SLC35F3: variants seen among roughly 807,000 people sequenced by gnomAD.
SLC35F3 encodes solute carrier family 35 member F3.
In SLC35F3, 25 loss-of-function variants were observed where a neutral mutation model predicts 49.9. The observed-to-expected ratio is 0.50, with a 90% CI of 0.37 to 0.70. The LOEUF (loss-of-function observed/expected upper bound fraction) is 0.70, where lower values mean the gene tolerates loss of function less well. Among genes scored for constraint, SLC35F3 ranks in the 30% least tolerant of loss-of-function variants. SLC35F3 has a pLI of 0.00. For synonymous variants in SLC35F3, 275 were observed against 265.4 expected (o/e 1.04, Z -0.35); for missense variants, 525 against 639.8 (o/e 0.82, Z 1.94).
chr1:234,275,802 TGC>T (rs1668200876), intron 3 of SLC35F3, among the ~76,000 whole-genome samples: 3 of 151,726 alleles, frequency 2.0e-5, no homozygotes, highest in African/African-American at 7.3e-5. Context: ...ATGCTGCTGC[TGC>T]TGCTGCTAGC....
intron 2 of SLC35F3, among the ~76,000 whole-genome samples, chr1:234,081,261 C>T (rs1397399687): frequency 6.6e-6 from 1 of 152,228 alleles, no homozygotes; most frequent in Non-Finnish European, 1.5e-5. Context: ...CACATTTTAT[C>T]ATAGATCTAA....
intron 3 of SLC35F3, among the ~76,000 whole-genome samples, chr1:234,273,495 C>T (rs562789001): frequency 4.7e-4 from 72 of 152,314 alleles, no homozygotes; most frequent in African/African-American, 1.7e-3. Flanking sequence ...TTTGAAGAGG[C>T]AGCAGGAAGG....
intron 2 of SLC35F3, among the ~76,000 whole-genome samples, chr1:233,938,674 GTGGATGGATGGATGGATGGATGGATGAA>G (rs1453845948): frequency 2.3e-4 from 34 of 150,108 alleles, no homozygotes; most frequent in African/African-American, 8.1e-4. Flanking sequence ...GGATTGGTGG[GTGGATGGATGGATGGATGGATGGATGAA>G]TGGATGGATG....
chr1:234,185,291 C>T (rs1299069625), intron 2 of SLC35F3, among the ~76,000 whole-genome samples: 2 of 152,126 alleles, frequency 1.3e-5, no homozygotes, highest in Non-Finnish European at 2.9e-5. Context: ...AGAAGGGACA[C>T]CCGAGATGTG....
At chr1:233,935,613 T>A (rs544111481) in intron 2 of SLC35F3, among the ~76,000 whole-genome samples, 44 of 152,292 alleles carry the variant, frequency 2.9e-4, no homozygotes, top group Non-Finnish European at 4.9e-4. Context: ...GCTTTATGCC[T>A]GTCCCCAGCA....
chr1:234,091,654 T>C (rs535796599), intron 2 of SLC35F3, among the ~76,000 whole-genome samples: 1 of 152,368 alleles, frequency 6.6e-6, no homozygotes, highest in Non-Finnish European at 1.5e-5. Flanking sequence ...TAAACCTTTT[T>C]TCTATACACC....
At chr1:234,264,590 A>C (rs1021870923) in intron 3 of SLC35F3, among the ~76,000 whole-genome samples, 1 of 152,260 alleles carries the variant, frequency 6.6e-6, no homozygotes, top group Admixed American at 6.5e-5. Context: ...TCTGTTACCC[A>C]TGCTGGAGTG....
intron 2 of SLC35F3, 58 bp downstream of exon 2, chr1:233,905,816 C>G (rs1165029480): frequency 6.7e-7 from 1 of 1,490,214 alleles, no homozygotes. Context: ...ACCATTGTCA[C>G]AGCAGCCTCG....
intron 2 of SLC35F3, among the ~76,000 whole-genome samples, chr1:234,187,633 G>A (rs1385078226): frequency 6.6e-6 from 1 of 152,184 alleles, no homozygotes; most frequent in African/African-American, 2.4e-5. Flanking sequence ...GCCCATGAAC[G>A]CGTGCCCTCA....
chr1:234,005,306 G>A (rs534629582), intron 2 of SLC35F3, among the ~76,000 whole-genome samples: 4 of 152,030 alleles, frequency 2.6e-5, no homozygotes, highest in Non-Finnish European at 4.4e-5. Flanking sequence ...TAAATCTTAC[G>A]GTGAAACCAT....
rs869146212 is a variant in SLC35F3, at chr1:234,146,481, C to CTTTTTTTT, written c.284-84919_284-84912dup. 4.6e-3 allele frequency among the ~76,000 whole-genome samples: 341 copies of CTTTTTTTT among 74,038 alleles called. 68 individuals are homozygous for CTTTTTTTT. Among genetic ancestry groups the CTTTTTTTT allele is most frequent in the African/African-American group, 0.02 (315 of 16,032 alleles). 48.6% of individuals were successfully genotyped at this position (74,038 alleles called of 152,430 possible). ...AATAAAAGTTACCAAGATATTTGCT[C>CTTTTTTTT]TTTTTTTTTTTTTTTTTTTTTTTTC... On this transcript the variant is annotated intron_variant, in intron 2 of 7. Coordinates refer to ENST00000366618, the MANE Select transcript of SLC35F3 (RefSeq NM_173508.4).
chr1:234,236,722 A>G (rs1346252938), intron 3 of SLC35F3, among the ~76,000 whole-genome samples: 1 of 151,922 alleles, frequency 6.6e-6, no homozygotes, highest in Non-Finnish European at 1.5e-5. Context: ...CATGGAAGCA[A>G]TGATCAGATT....
intron 2 of SLC35F3, among the ~76,000 whole-genome samples, chr1:234,149,199 T>A (rs983863342): frequency 6.6e-6 from 1 of 152,024 alleles, no homozygotes; most frequent in Non-Finnish European, 1.5e-5. Context: ...GCTGTTTGAG[T>A]GAAGATGGAA....
At chr1:234,139,963 A>AT (rs1259262212) in intron 2 of SLC35F3, among the ~76,000 whole-genome samples, 1 of 131,074 alleles carries the variant, frequency 7.6e-6, no homozygotes, top group Non-Finnish European at 1.6e-5. Context: ...ATAAAATAAA[A>AT]TAAAATAAAA....
intron 3 of SLC35F3, among the ~76,000 whole-genome samples, chr1:234,271,992 G>A (rs955939021): frequency 1.3e-5 from 2 of 152,184 alleles, no homozygotes; most frequent in Admixed American, 6.5e-5. Context: ...CAGGCATGGT[G>A]GAGCATGCCT....
At chr1:234,226,736 T>A (rs1451309815) in intron 2 of SLC35F3, among the ~76,000 whole-genome samples, 1 of 152,124 alleles carries the variant, frequency 6.6e-6, no homozygotes, top group Admixed American at 6.5e-5. Context: ...CTACTTCTGC[T>A]TAACCAAAGA....
intron 2 of SLC35F3, among the ~76,000 whole-genome samples, chr1:233,993,821 G>A (rs1253500359): frequency 1.3e-5 from 2 of 152,142 alleles, no homozygotes; most frequent in Non-Finnish European, 2.9e-5. Context: ...AATACCTGGG[G>A]AACGATTAAT....
At chr1:233,933,035 T>TAAAA (rs59669736) in intron 2 of SLC35F3, among the ~76,000 whole-genome samples, 6,683 of 134,870 alleles carry the variant, frequency 0.05, 240 homozygotes, top group South Asian at 0.083. Context: ...GCTATTTAAG[T>TAAAA]AAAAAAAAAA....
chr1:234,028,299 G>A (rs576929862), intron 2 of SLC35F3, among the ~76,000 whole-genome samples: 6 of 152,316 alleles, frequency 3.9e-5, no homozygotes, highest in African/African-American at 1.4e-4. Flanking sequence ...CCACTGTGTG[G>A]TCTACGTAGC....
Sources: allele counts gnomAD v4.1 joint callset (sites outside exome capture counted in the v4.1 genomes callset), GRCh38; gene constraint gnomAD v4.1.1; transcripts MANE v1.5; gene names NCBI Gene and HGNC (gene_info 2026-07-23, HGNC 2026-07-21).